Variants in NIPAL2 observed in about 807,000 individuals in gnomAD.
NIPAL2 encodes the protein NIPA-like protein 2.
Under a neutral mutation model 48.9 loss-of-function variants are expected in NIPAL2, and 43 were observed. That is an observed-to-expected ratio of 0.88 (90% CI 0.69 to 1.13). The LOEUF (loss-of-function observed/expected upper bound fraction) is 1.13, where lower values mean the gene tolerates loss of function less well. Ranked by LOEUF, NIPAL2 falls within the 50% of genes most tolerant of loss-of-function variation. The pLI is 0.00. For missense variants in NIPAL2, 446 were observed against 461.4 expected (o/e 0.97, Z 0.31); for synonymous variants, 167 against 174.6 (o/e 0.96, Z 0.34).
intron 4 of NIPAL2, among the ~76,000 whole-genome samples, chr8:98,228,135 C>G (rs1812268265): frequency 6.6e-6 from 1 of 152,192 alleles, no homozygotes; most frequent in African/African-American, 2.4e-5. Flanking sequence ...GATTCAAGAC[C>G]ATCCTTCCTA....
Position 98,203,167 on chromosome 8 carries a change from T to A in NIPAL2, c.821A>T (p.Asn274Ile), listed in dbSNP as rs1477973896. Residue 274 changes from asparagine to isoleucine, a missense_variant, in exon 8 of 11, where the codon AAT becomes ATT. Transcript: ENST00000430223. Reference protein sequence around the residue: ...KFLNQATKLYNTTTVVPVNHI... With the variant: ...KFLNQATKLYITTTVVPVNHI... ...ATTAACTGGCACCACTGTTGTCGTA[T>A]TGTAGAGTTTCGTGGCTTGATTCAG... 2 of 1,614,012 alleles carry A rather than the reference T, an allele frequency of 1.2e-6. No homozygotes were observed. Among genetic ancestry groups the A allele is most frequent in the Non-Finnish European group, 1.7e-6 (2 of 1,179,992 alleles).
At chr8:98,262,001 A>G (rs1814370028) in intron 1 of NIPAL2, among the ~76,000 whole-genome samples, 2 of 111,946 alleles carry the variant, frequency 1.8e-5, no homozygotes, top group South Asian at 7.4e-4. Context: ...AGAATTTTCA[A>G]CCCAGAATTT....
chr8:98,221,286 C>G (rs529499645), intron 5 of NIPAL2, among the ~76,000 whole-genome samples: 14 of 151,596 alleles, frequency 9.2e-5, no homozygotes, highest in Non-Finnish European at 1.6e-4. Context: ...TCATTTCATT[C>G]TTTTATACAT....
intron 8 of NIPAL2, 51 bp downstream of exon 8, chr8:98,203,057 G>A (rs368310806): frequency 1.5e-6 from 2 of 1,378,258 alleles, no homozygotes; most frequent in Non-Finnish European, 2.1e-6. Context: ...TACTCTGGGA[G>A]AAACTTCATT....
At position 98,193,042 on chromosome 8, in the gene NIPAL2, T is replaced by C. The variant is rs180849759; in HGVS notation, c.1088A>G (p.Tyr363Cys). ...KIQPDSHSLS[Y>C]GTLPDGSDST... is the part of the protein sequence containing the mutation. The stretch of plus-strand genomic sequence containing the variant: ...GTCACTTCCATCAGGCAAAGTTCCA[T>C]AGGATAAGCTATGTGAATCTGGTTG... The change falls in exon 11 of 11, where the codon TAT becomes TGT. Residue 363 changes from tyrosine (Y) to cysteine (C), a missense_variant. Tyr to Cys is a radical substitution (Grantham distance 194). Transcript: ENST00000430223. The C allele has an allele frequency of 6.2e-6, 10 of 1,614,092 alleles. 1 individual carries two copies. Among genetic ancestry groups the C allele is most frequent in the African/African-American group, 5.3e-5 (4 of 75,060 alleles).
At chr8:98,266,553 CAAAAAAA>C (rs1168587196) in intron 1 of NIPAL2, among the ~76,000 whole-genome samples, 1 of 69,280 alleles carries the variant, frequency 1.4e-5, no homozygotes, top group African/African-American at 4.2e-5. Context: ...ACTCTGTCTC[CAAAAAAA>C]AAAAAAAAAA....
chr8:98,258,711 G>A (rs1245134553), intron 1 of NIPAL2, among the ~76,000 whole-genome samples: 1 of 152,038 alleles, frequency 6.6e-6, no homozygotes, highest in African/African-American at 2.4e-5. Flanking sequence ...TTCAAATAAG[G>A]TAAATGACAA....
At chr8:98,212,322 A>G in intron 6 of NIPAL2, 83 bp downstream of exon 6, 1 of 712,744 alleles carries the variant, frequency 1.4e-6, no homozygotes, top group Non-Finnish European at 2.4e-6. Context: ...AAAGGAGTAG[A>G]ATGCTTAAGT....
chr8:98,229,777 A>G (rs1274663869), intron 4 of NIPAL2, among the ~76,000 whole-genome samples: 1 of 151,332 alleles, frequency 6.6e-6, no homozygotes, highest in Non-Finnish European at 1.5e-5. Flanking sequence ...ATGCTAAAAT[A>G]TGATGATGAT....
intron 6 of NIPAL2, among the ~76,000 whole-genome samples, chr8:98,206,513 G>T (rs145888647): frequency 6.6e-6 from 1 of 151,982 alleles, no homozygotes; most frequent in African/African-American, 2.4e-5. Flanking sequence ...TTGGCCGGGC[G>T]CGGTGGCTCA....
At chr8:98,225,223 T>C (rs1199631483) in intron 4 of NIPAL2, among the ~76,000 whole-genome samples, 1 of 152,388 alleles carries the variant, frequency 6.6e-6, no homozygotes, top group Non-Finnish European at 1.5e-5. Context: ...TCTGGGTAGC[T>C]GCCACCAGTT....
At position 98,214,078 on chromosome 8, in the gene NIPAL2, A is replaced by T. The variant is rs193009142; in HGVS notation, c.559-1577T>A. 1.1e-4 allele frequency among the ~76,000 whole-genome samples: 17 copies of T among 152,320 alleles called. 1 individual carries two copies. The East Asian group carries it at 3.3e-3, about 29-fold the overall frequency. ...CTAATGTCTAATAAACTGTTCAATAAATATTAATTGACTGAAAGTCTAAAA... is the reference window on the plus strand; with the variant it reads ...CTAATGTCTAATAAACTGTTCAATATATATTAATTGACTGAAAGTCTAAAA... On this transcript the variant is annotated intron_variant, in intron 5 of 10. Transcript: ENST00000430223.
chr8:98,249,650 T>G (rs987206763), intron 3 of NIPAL2, among the ~76,000 whole-genome samples: 1 of 147,392 alleles, frequency 6.8e-6, no homozygotes, highest in Non-Finnish European at 1.5e-5. Context: ...ATAATTATAT[T>G]AAATATAATT....
At chr8:98,222,659 G>T in intron 4 of NIPAL2, 59 bp from the exon 5 acceptor site, 5 of 1,555,020 alleles carry the variant, frequency 3.2e-6, no homozygotes, top group African/African-American at 1.4e-5. Context: ...TTTTGTTGAC[G>T]CAGACATTGC....
intron 4 of NIPAL2, among the ~76,000 whole-genome samples, chr8:98,227,738 C>T (rs1812245833): frequency 6.6e-6 from 1 of 152,210 alleles, no homozygotes. Flanking sequence ...GTGGCGCCTG[C>T]ACTCCCTTGG....
Position 98,278,843 on chromosome 8 carries a change from A to G in NIPAL2, c.135+15160T>C, listed in dbSNP as rs1164121299. On this transcript the variant is annotated intron_variant, in intron 1 of 10. Transcript: ENST00000430223. ...AAGGATCTCAGTGAGTAACTATTTTATAATAACCGAGGTTTGAATATACCA... is the reference window on the plus strand; with the variant it reads ...AAGGATCTCAGTGAGTAACTATTTTGTAATAACCGAGGTTTGAATATACCA... Among the ~76,000 whole-genome samples the G allele has an allele frequency of 2.0e-5, 3 of 152,222 alleles. No individual in the cohort carries two copies. The East Asian group carries it at 5.8e-4, about 29-fold the overall frequency.
intron 1 of NIPAL2, among the ~76,000 whole-genome samples, chr8:98,271,675 T>A (rs1281416321): frequency 6.6e-6 from 1 of 152,228 alleles, no homozygotes; most frequent in African/African-American, 2.4e-5. Context: ...CCTATTTGGA[T>A]GCCCTTTATT....
chr8:98,284,123 A>G (rs1477761032), intron 1 of NIPAL2, among the ~76,000 whole-genome samples: 1 of 152,078 alleles, frequency 6.6e-6, no homozygotes, highest in Non-Finnish European at 1.5e-5. Flanking sequence ...CCAGGTCCCA[A>G]CACAGCTCAT....
intron 1 of NIPAL2, among the ~76,000 whole-genome samples, chr8:98,262,368 T>A (rs1160921731): frequency 1.3e-5 from 2 of 148,504 alleles, no homozygotes; most frequent in Non-Finnish European, 3.0e-5. Context: ...ATCAGTGTGC[T>A]GTATTCAGGA....
Sources: allele counts gnomAD v4.1 joint callset (sites outside exome capture counted in the v4.1 genomes callset), GRCh38; gene constraint gnomAD v4.1.1; transcripts MANE v1.5; gene names NCBI Gene and HGNC (gene_info 2026-07-23, HGNC 2026-07-21).